Variants in ACKR2 observed in about 807,000 individuals in gnomAD.
ACKR2 encodes the protein C-C chemokine receptor D6.
For synonymous variants in ACKR2, 207 were observed against 192.2 expected, an observed-to-expected ratio of 1.08 and a Z score of -0.64; for missense variants, 457 against 477.3, an observed-to-expected ratio of 0.96 and a Z score of 0.40.
At chr3:42,809,953 A>G (rs1325084489) in intron 1 of ACKR2, among the ~76,000 whole-genome samples, 3 of 152,096 alleles carry the variant, frequency 2.0e-5, no homozygotes, top group Non-Finnish European at 4.4e-5. Flanking sequence ...GACTTGCTTC[A>G]GGAGAGAATG....
intron 2 of ACKR2, among the ~76,000 whole-genome samples, chr3:42,826,261 C>G (rs1012761397): frequency 1.3e-5 from 2 of 152,058 alleles, no homozygotes; most frequent in African/African-American, 4.8e-5. Context: ...CAGAGTAATA[C>G]TGGACTCATA....
Position 42,864,457 on chromosome 3 carries a change from C to A in ACKR2, c.-37-9C>A. The A allele has an allele frequency of 1.3e-6, 2 of 1,538,506 alleles. No individual in the cohort carries two copies. The highest frequency in any genetic ancestry group is 8.7e-7 in the Non-Finnish European group (1 of 1,145,752). On this transcript the variant is annotated splice_polypyrimidine_tract_variant and intron_variant, in intron 2 of 2. Coordinates refer to ENST00000422265, the MANE Select transcript of ACKR2 (RefSeq NM_001296.5). ...GAATGCTAGGTCTCACCATATTTTC[C>A]CCCCGCAGCACTACAGGACGTCGGG...
At chr3:42,854,184 G>A (rs891235284) in intron 2 of ACKR2, among the ~76,000 whole-genome samples, 12 of 152,190 alleles carry the variant, frequency 7.9e-5, no homozygotes, top group Admixed American at 5.2e-4. Context: ...TGCTGGTGAA[G>A]GTTTGACAAG....
At chr3:42,834,052 T>G (rs34759881) in intron 2 of ACKR2, among the ~76,000 whole-genome samples, 41,067 of 152,160 alleles carry the variant, frequency 0.27, 7,196 homozygotes, top group East Asian at 0.6. Flanking sequence ...AACCTCCACC[T>G]TCTAGGTTCA....
intron 2 of ACKR2, among the ~76,000 whole-genome samples, chr3:42,858,029 G>A (rs1382315894): frequency 1.3e-5 from 2 of 152,234 alleles, no homozygotes; most frequent in Non-Finnish European, 2.9e-5. Context: ...CCAGTCAGGG[G>A]CTTATAGATA....
chr3:42,847,964 C>G (rs903905848), intron 2 of ACKR2, among the ~76,000 whole-genome samples: 1 of 152,144 alleles, frequency 6.6e-6, no homozygotes, highest in Non-Finnish European at 1.5e-5. Context: ...ACCACCTGCC[C>G]TGCATACCAG....
At chr3:42,844,039 C>T (rs1701067049) in intron 2 of ACKR2, 1 of 152,214 alleles carries the variant, frequency 6.6e-6, no homozygotes, top group Non-Finnish European at 1.5e-5. Context: ...AGGAGGAGAC[C>T]TAGCGGACAG....
At chr3:42,817,918 C>T (rs1028664775) in intron 1 of ACKR2, among the ~76,000 whole-genome samples, 1 of 152,224 alleles carries the variant, frequency 6.6e-6, no homozygotes, top group South Asian at 2.1e-4. Context: ...TTCTTAGTTA[C>T]AGTGACTGAA....
At chr3:42,821,708 T>G (rs1700810891) in intron 2 of ACKR2, among the ~76,000 whole-genome samples, 2 of 152,048 alleles carry the variant, frequency 1.3e-5, no homozygotes, top group South Asian at 4.1e-4. Flanking sequence ...TGTTTTTGTT[T>G]TTTTTTTAGA....
intron 2 of ACKR2, among the ~76,000 whole-genome samples, chr3:42,847,413 G>T (rs1313157634): frequency 6.6e-6 from 1 of 152,142 alleles, no homozygotes; most frequent in Admixed American, 6.5e-5. Context: ...ATGTTAGGAA[G>T]ATCTGAGGTT....
At chr3:42,811,771 G>A (rs1700697921) in intron 1 of ACKR2, among the ~76,000 whole-genome samples, 1 of 152,204 alleles carries the variant, frequency 6.6e-6, no homozygotes, top group Non-Finnish European at 1.5e-5. Context: ...ACCGCCCTGT[G>A]GCTGGAGGCG....
At chr3:42,812,659 A>G (rs964763781) in intron 1 of ACKR2, among the ~76,000 whole-genome samples, 1 of 138,278 alleles carries the variant, frequency 7.2e-6, no homozygotes, top group African/African-American at 2.6e-5. Context: ...CTTTAATAAA[A>G]GTGGTTGGGC....
At chr3:42,855,365 A>G (rs557248656) in intron 2 of ACKR2, among the ~76,000 whole-genome samples, 2 of 152,288 alleles carry the variant, frequency 1.3e-5, no homozygotes, top group South Asian at 2.1e-4. Flanking sequence ...TTTGCCTTAT[A>G]AGGCTGCTGC....
chr3:42,853,863 G>A (rs571124130), intron 2 of ACKR2, among the ~76,000 whole-genome samples: 2 of 152,316 alleles, frequency 1.3e-5, no homozygotes, highest in South Asian at 2.1e-4. Context: ...CACTAGAAGT[G>A]ATCTCAAACG....
chr3:42,844,538 G>C (rs1458437375), intron 2 of ACKR2, among the ~76,000 whole-genome samples: 1 of 152,162 alleles, frequency 6.6e-6, no homozygotes, highest in Non-Finnish European at 1.5e-5. Context: ...GCCAGAGCAA[G>C]GCCACAGACA....
Position 42,828,092 on chromosome 3 carries a change from A to ATATATTTTTT in ACKR2, c.-38+8382_-38+8383insATATTTTTTT, listed in dbSNP as rs1193533555. On this transcript the variant is annotated intron_variant, in intron 2 of 2. Coordinates refer to ENST00000422265, the MANE Select transcript of ACKR2 (RefSeq NM_001296.5). ...GCTTGCATTATATATATATATATAT[A>ATATATTTTTT]TTTTTTTTTTTTTCTTTTCTTTTCT... Among the ~76,000 whole-genome samples the ATATATTTTTT allele has an allele frequency of 1.7e-3, 202 of 121,882 alleles. 2 individuals carry two copies. The highest frequency in any genetic ancestry group is 2.8e-3 in the Non-Finnish European group (168 of 59,420). The allele number at this position is 121,882 out of a possible 152,430, so 80.0% of individuals were successfully genotyped here.
intron 2 of ACKR2, among the ~76,000 whole-genome samples, chr3:42,845,900 AAAAC>A (rs1005267843): frequency 6.6e-6 from 1 of 152,076 alleles, no homozygotes; most frequent in Non-Finnish European, 1.5e-5. Flanking sequence ...AGAAAAGAGA[AAAAC>A]AACATCATAA....
At chr3:42,830,974 C>T (rs1700926069) in intron 2 of ACKR2, among the ~76,000 whole-genome samples, 2 of 151,658 alleles carry the variant, frequency 1.3e-5, no homozygotes, top group African/African-American at 4.8e-5. Context: ...GACTAAAAAC[C>T]TGTGGTTTTC....
Position 42,865,009 on chromosome 3 carries a change from G to A in ACKR2, c.507G>A (p.Trp169Ter). ...GCCTGCTCCTTGCTACCATAGTATGGGCTGTGTCCCTGGCCGTCTCCATCC... is the reference window on the plus strand; with the variant it reads ...GCCTGCTCCTTGCTACCATAGTATGAGCTGTGTCCCTGGCCGTCTCCATCC... ...AKSLLLATIV[W>*]AVSLAVSIPD... Residue 169 changes from tryptophan (W) to a stop codon, truncating the protein, a stop_gained, in exon 3 of 3, where the codon TGG (tryptophan) becomes TGA (stop). Coordinates refer to ENST00000422265, the MANE Select transcript of ACKR2 (RefSeq NM_001296.5). LOFTEE classifies it low-confidence loss of function (END_TRUNC). The A allele has an allele frequency of 6.2e-7, 1 of 1,614,150 alleles. No homozygotes were observed. Among genetic ancestry groups the A allele is most frequent in the Non-Finnish European group, 8.5e-7 (1 of 1,180,046 alleles).
Sources: allele counts gnomAD v4.1 joint callset (sites outside exome capture counted in the v4.1 genomes callset), GRCh38; gene constraint gnomAD v4.1.1; transcripts MANE v1.5; gene names NCBI Gene and HGNC (gene_info 2026-07-23, HGNC 2026-07-21).